The following SRBD1 variants were observed in gnomAD, a reference collection of about 807,000 sequenced individuals.
The protein encoded by SRBD1 is S1 RNA-binding domain-containing protein 1.
A neutral mutation model predicts 115.3 loss-of-function variants in SRBD1; 88 were observed. The ratio of observed to expected loss-of-function variants is 0.76; its 90% CI spans 0.64 to 0.91. The LOEUF (loss-of-function observed/expected upper bound fraction) is 0.91, where lower values mean the gene tolerates loss of function less well. SRBD1 is among the 40% of genes least tolerant of loss of function. The pLI is 0.00. For synonymous variants in SRBD1, 509 were observed against 407.7 expected (o/e 1.25, Z -2.99); for missense variants, 1,385 against 1,177.4 (o/e 1.18, Z -2.58).
intron 14 of SRBD1, among the ~76,000 whole-genome samples, chr2:45,532,699 T>C (rs1185857854): frequency 2.0e-5 from 3 of 151,630 alleles, no homozygotes; most frequent in African/African-American, 4.8e-5. Context: ...ACCTTAGAAA[T>C]GTACGGATGT....
rs58100763 is a variant in SRBD1 at position 45,571,517 on chromosome 2, CAAAAAAA to C, written c.1305+1683_1305+1689del. On this transcript the variant is annotated intron_variant, in intron 9 of 20. Coordinates refer to ENST00000263736, the MANE Select transcript of SRBD1 (RefSeq NM_018079.5). ...AAAATACAACATATCCAGACTTTAC[CAAAAAAA>C]AAAAAAAAAAAAAAAAAACTGTCCA... is the stretch of plus-strand genomic sequence containing the variant. Among the ~76,000 whole-genome samples the C allele has an allele frequency of 1.8e-4, 7 of 39,402 alleles. No homozygotes were observed. In the East Asian group the frequency reaches 3.8e-3, roughly 21 times the overall value. 25.8% of individuals were successfully genotyped at this position (39,402 alleles called of 152,430 possible).
At chr2:45,493,376 G>A (rs925526759) in intron 14 of SRBD1, among the ~76,000 whole-genome samples, 3 of 152,150 alleles carry the variant, frequency 2.0e-5, no homozygotes, top group South Asian at 2.1e-4. Context: ...AAACTACCAC[G>A]AACAGTGGGG....
intron 16 of SRBD1, among the ~76,000 whole-genome samples, chr2:45,466,581 T>A (rs1669496329): frequency 6.6e-6 from 1 of 152,216 alleles, no homozygotes; most frequent in African/African-American, 2.4e-5. Flanking sequence ...ATTATTTTTA[T>A]GGTAATCATC....
intron 16 of SRBD1, among the ~76,000 whole-genome samples, chr2:45,461,403 C>G (rs1669312418): frequency 1.3e-5 from 2 of 152,100 alleles, no homozygotes; most frequent in Non-Finnish European, 2.9e-5. Flanking sequence ...CCTGTTTTCA[C>G]TCTCTCTCTA....
At chr2:45,425,930 C>T (rs1668140226) in intron 16 of SRBD1, among the ~76,000 whole-genome samples, 2 of 152,090 alleles carry the variant, frequency 1.3e-5, no homozygotes, top group South Asian at 4.2e-4. Context: ...GCCATTTGGG[C>T]AACACTGAGC....
chr2:45,605,265 C>G (rs774215110), intron 2 of SRBD1, 97 bp downstream of exon 2: 2 of 1,236,924 alleles, frequency 1.6e-6, no homozygotes, highest in Non-Finnish European at 2.3e-6. Context: ...GTTTTTTCTA[C>G]CCACATCACT....
rs575115372 is a variant in SRBD1, at chr2:45,439,621, T to G, written c.2050-19727A>C. ...AAGGCAGAAAAGGAACAAGAAATGATCAAAAAGCAGATGGGACAAACAAAG... is the reference window on the plus strand; with the variant it reads ...AAGGCAGAAAAGGAACAAGAAATGAGCAAAAAGCAGATGGGACAAACAAAG... On this transcript the variant is annotated intron_variant, in intron 16 of 20. Coordinates refer to ENST00000263736, the MANE Select transcript of SRBD1 (RefSeq NM_018079.5). 4.0e-5 allele frequency among the ~76,000 whole-genome samples: 6 copies of G among 151,816 alleles called. No homozygotes were observed. The South Asian group carries it at 1.0e-3, about 26-fold the overall frequency.
In SRBD1 at chr2:45,476,999, C is replaced by T. The variant is rs1435745035; in HGVS notation, c.2043G>A (p.Met681Ile). Residue 681 changes from methionine to isoleucine, a missense_variant, in exon 16 of 21, where the codon ATG becomes ATA. Met to Ile is a conservative substitution (Grantham distance 10). Transcript: ENST00000263736. ...ATGATCCACATAGCTTTACCTGATA[C>T]ATTCCAACTCCAATGTGCTTTGGCT... is the stretch of plus-strand genomic sequence containing the variant. ...KIEPKHIGVG[M>I]YQHDVSQTLL... 6.2e-7 allele frequency: 1 copy of T among 1,613,566 alleles called. No homozygotes were observed. Among genetic ancestry groups the T allele is most frequent in the East Asian group, 2.2e-5 (1 of 44,808 alleles).
intron 14 of SRBD1, among the ~76,000 whole-genome samples, chr2:45,518,829 A>G (rs1248541991): frequency 1.3e-5 from 2 of 152,152 alleles, no homozygotes; most frequent in Non-Finnish European, 2.9e-5. Flanking sequence ...TTAATGAGGC[A>G]ACAATTTACA....
At position 45,418,499 on chromosome 2, in the gene SRBD1, A is replaced by C; in HGVS notation, c.2199T>G (p.Ile733Met). 6.2e-7 allele frequency: 1 copy of C among 1,614,024 alleles called. No individual in the cohort carries two copies. The highest frequency in any genetic ancestry group is 1.1e-5 in the South Asian group (1 of 91,062). The change falls in exon 18 of 21, where the codon ATT becomes ATG. Residue 733 changes from isoleucine (I) to methionine (M), a missense_variant. Coordinates refer to ENST00000263736, the MANE Select transcript of SRBD1 (RefSeq NM_018079.5). ...GLNANRAKNI[I>M]EWREKNGPFI... ...AGGGTCCATTTTTCTCTCGCCATTC[A>C]ATAATATTTTTGGCCCTGTTGGCAT...
chr2:45,418,006 CTCAAA>C (rs1667882378), intron 18 of SRBD1, among the ~76,000 whole-genome samples: 1 of 152,202 alleles, frequency 6.6e-6, no homozygotes, highest in Non-Finnish European at 1.5e-5. Flanking sequence ...CAAAACTCTG[CTCAAA>C]TAAGTTTTCA....
In SRBD1 at chr2:45,546,712, G is replaced by A. The variant is rs200776723; in HGVS notation, c.1874+20C>T. ...GTTCCCATGCTTCTCCAAGAAAAGAGATATATGTAATAGCCTTACCAGTAA... is the reference window on the plus strand; with the variant it reads ...GTTCCCATGCTTCTCCAAGAAAAGAAATATATGTAATAGCCTTACCAGTAA... On this transcript the variant is annotated intron_variant, in intron 14 of 20. Transcript: ENST00000263736. 6.2e-7 allele frequency: 1 copy of A among 1,606,690 alleles called. No individual in the cohort carries two copies. Among genetic ancestry groups the A allele is most frequent in the East Asian group, 2.2e-5 (1 of 44,822 alleles).
chr2:45,416,687 C>G (rs1667842115), intron 18 of SRBD1, among the ~76,000 whole-genome samples: 1 of 152,148 alleles, frequency 6.6e-6, no homozygotes, highest in Non-Finnish European at 1.5e-5. Flanking sequence ...TTTCTGGAAG[C>G]AACATATAAG....
intron 16 of SRBD1, among the ~76,000 whole-genome samples, chr2:45,436,969 G>A (rs1284134098): frequency 6.6e-6 from 1 of 152,144 alleles, no homozygotes; most frequent in Non-Finnish European, 1.5e-5. Context: ...TTTCCTATAT[G>A]CCAGCAATAA....
chr2:45,414,862 A>C (rs1202982133), intron 18 of SRBD1, among the ~76,000 whole-genome samples: 1 of 144,978 alleles, frequency 6.9e-6, no homozygotes, highest in Non-Finnish European at 1.5e-5. Flanking sequence ...TGTATATAGT[A>C]TGTACACACA....
At chr2:45,450,080 A>C (rs976192508) in intron 16 of SRBD1, among the ~76,000 whole-genome samples, 1 of 152,206 alleles carries the variant, frequency 6.6e-6, no homozygotes, top group Non-Finnish European at 1.5e-5. Flanking sequence ...AACAGATGAC[A>C]TAAGACCACA....
In SRBD1 at chr2:45,422,307, A is replaced by T. The variant is rs140615012; in HGVS notation, c.2050-2413T>A. On this transcript the variant is annotated intron_variant, in intron 16 of 20. Transcript: ENST00000263736. ...TGTCAACCCCTTCTCCTCCTTTCAA[A>T]CAGAAGCCTGACCGTGTGTCTAGCA... 2.3e-4 allele frequency among the ~76,000 whole-genome samples: 35 copies of T among 152,218 alleles called. 1 individual carries two copies. In the East Asian group the frequency reaches 3.9e-3, roughly 17 times the overall value.
At chr2:45,480,321 T>C (rs929393730) in intron 15 of SRBD1, among the ~76,000 whole-genome samples, 1 of 152,182 alleles carries the variant, frequency 6.6e-6, no homozygotes, top group Non-Finnish European at 1.5e-5. Context: ...GCAAAGTACG[T>C]TGAAAATCTT....
At chr2:45,493,924 G>A (rs1157641794) in intron 14 of SRBD1, among the ~76,000 whole-genome samples, 1 of 152,036 alleles carries the variant, frequency 6.6e-6, no homozygotes, top group Non-Finnish European at 1.5e-5. Context: ...TCTTTGGATG[G>A]TAAATTGAAA....
Sources: allele counts gnomAD v4.1 joint callset (sites outside exome capture counted in the v4.1 genomes callset), GRCh38; gene constraint gnomAD v4.1.1; transcripts MANE v1.5; gene names NCBI Gene and HGNC (gene_info 2026-07-23, HGNC 2026-07-21).